SLC38A10: variants seen among roughly 807,000 people sequenced by gnomAD.
SLC38A10 encodes the protein Sodium-coupled neutral amino acid transporter 10.
A neutral mutation model predicts 81.0 loss-of-function variants in SLC38A10; 53 were observed. The ratio of observed to expected loss-of-function variants is 0.65; its 90% confidence interval spans 0.53 to 0.82. SLC38A10 has a LOEUF of 0.82. SLC38A10 is among the 40% of genes least tolerant of loss of function. The pLI is 0.00. For missense variants in SLC38A10, 1,471 were observed against 1,545.0 expected (o/e 0.95, Z 0.80); for synonymous variants, 665 against 655.3 (o/e 1.01, Z -0.23).
intron 6 of SLC38A10, among the ~76,000 whole-genome samples, chr17:81,278,086 G>C (rs931576474): frequency 2.6e-5 from 4 of 152,210 alleles, no homozygotes; most frequent in Admixed American, 6.5e-5. Flanking sequence ...CAGCACAGCG[G>C]CCAGCGGAGC....
chr17:81,253,357 T>C lies in SLC38A10; in HGVS notation c.1289-117A>G, dbSNP rs2062938166. 3.1e-6 allele frequency: 4 copies of C among 1,291,572 alleles called. No homozygotes were observed. The highest frequency in any genetic ancestry group is 1.5e-5 in the African/African-American group (1 of 67,208). The allele number at this position is 1,291,572 out of a possible 1,614,324, so 80.0% of individuals were successfully genotyped here. A position where few individuals can be genotyped will look rare whatever the true frequency, so the allele number is the denominator to read the frequency against. ...AATGGCAGAGTCAAAGCAGTTTCTT[T>C]TTCCTGTTCGATCATTAGCAGCTAA... On this transcript the variant is annotated intron_variant, in intron 11 of 15. Transcript: ENST00000374759. This position sits in a 1 kb window ranked among gnomAD's most constrained non-coding sequence, Gnocchi z 4.1.
chr17:81,282,410 GGA>G, intron 4 of SLC38A10, 78 bp from the exon 5 acceptor site: 1 of 1,525,436 alleles, frequency 6.6e-7, no homozygotes, highest in Non-Finnish European at 8.9e-7. Context: ...ACAGGGAGTG[GGA>G]GCGCCCCGAG....
chr17:81,271,755 T>G (rs902895339), intron 9 of SLC38A10, among the ~76,000 whole-genome samples: 6 of 149,032 alleles, frequency 4.0e-5, no homozygotes, highest in Non-Finnish European at 1.5e-5. Context: ...CAGATTTTTT[T>G]TTTTTTTTTT....
chr17:81,260,763 G>A (rs936936332), intron 10 of SLC38A10, among the ~76,000 whole-genome samples: 1 of 152,244 alleles, frequency 6.6e-6, no homozygotes, highest in African/African-American at 2.4e-5. Flanking sequence ...GACGGAGCGG[G>A]AGGGACAGCG....
intron 1 of SLC38A10, among the ~76,000 whole-genome samples, chr17:81,291,717 G>A (rs2063312187): frequency 1.3e-5 from 2 of 152,118 alleles, no homozygotes; most frequent in African/African-American, 4.8e-5. Context: ...CCCTGCCAAC[G>A]CCTGTCCAAC....
intron 10 of SLC38A10, among the ~76,000 whole-genome samples, chr17:81,269,501 G>A (rs1367530774): frequency 3.3e-5 from 5 of 152,112 alleles, no homozygotes; most frequent in African/African-American, 9.7e-5. Context: ...ACACGTGGAC[G>A]TGTATTCTAA....
chr17:81,269,647 G>A (rs1196729317), intron 10 of SLC38A10, among the ~76,000 whole-genome samples: 3 of 152,162 alleles, frequency 2.0e-5, no homozygotes, highest in Admixed American at 2.0e-4. Context: ...GATGTCCTAT[G>A]TCTGCTCTGG....
Position 81,260,318 on chromosome 17 carries a change from T to C in SLC38A10, c.1208A>G (p.Glu403Gly). The change falls in exon 11 of 16, where the codon GAG (glutamate) becomes GGG (glycine). Residue 403 changes from glutamate to glycine, a missense_variant. Around this residue, in one of 2 missense-constraint regions of SLC38A10, gnomAD observed 720 missense variants for 827.7 expected, o/e 0.87. Transcript: ENST00000374759. ...GCCAGGGGCTTCCTCTGCCAAGTCC[T>C]CGGGGACCTCCTCGCTCACAGACAG... is the stretch of plus-strand genomic sequence containing the variant. ...TTLSVSEEVP[E>G]DLAEEAPGGR... is the part of the protein sequence containing the mutation. 1 of 1,608,500 alleles carries C rather than the reference T, an allele frequency of 6.2e-7. No homozygotes were observed. Among genetic ancestry groups the C allele is most frequent in the Non-Finnish European group, 8.5e-7 (1 of 1,178,120 alleles).
At chr17:81,256,706 T>C (rs139010374) in intron 11 of SLC38A10, among the ~76,000 whole-genome samples, 1 of 152,306 alleles carries the variant, frequency 6.6e-6, no homozygotes, top group East Asian at 1.9e-4. Context: ...TAGGCAACTT[T>C]TCTAAGAGCT....
At chr17:81,251,441 GGGCTGCCGCTCCCTGGGCCTGAGGCAGGC>G in intron 14 of SLC38A10, 23 bp downstream of exon 14, 1 of 1,608,430 alleles carries the variant, frequency 6.2e-7, no homozygotes, top group Non-Finnish European at 8.5e-7. Flanking sequence ...CTGGGGGAGG[GGGCTGCCGCTCCCTGGGCCTGAGGCAGGC>G]GGCTGTAGGG....
intron 4 of SLC38A10, among the ~76,000 whole-genome samples, 178 bp from the exon 5 acceptor site, chr17:81,282,510 C>G (rs1052881612): frequency 2.0e-5 from 3 of 152,342 alleles, no homozygotes; most frequent in Non-Finnish European, 4.4e-5. Context: ...GCCACTGTGC[C>G]GTGTGCAGCC....
At chr17:81,264,137 C>T (rs1332586829) in intron 10 of SLC38A10, 1 of 152,320 alleles carries the variant, frequency 6.6e-6, no homozygotes. Flanking sequence ...CTCGGAATCC[C>T]GAATAAGGGC....
Position 81,252,383 on chromosome 17 carries a change from TG to T in SLC38A10, c.1756del (p.Gln586SerfsTer119). 6.2e-7 allele frequency: 1 copy of T among 1,613,214 alleles called. No individual in the cohort carries two copies. The highest frequency in any genetic ancestry group is 8.5e-7 in the Non-Finnish European group (1 of 1,180,018). On this transcript the variant is annotated frameshift_variant, in exon 13 of 16. Transcript: ENST00000374759. LOFTEE classifies it high-confidence loss of function. ...DPQKVPEADG[Q>X]PAVQPAKEDL... ...CTCCTTTGCAGGCTGGACAGCTGGC[TG>T]ACCATCTGCTTCTGGAACTTTCTGG... is the stretch of plus-strand genomic sequence containing the variant.
Position 81,289,727 on chromosome 17 carries a change from C to T in SLC38A10, c.181G>A (p.Ala61Thr), listed in dbSNP as rs868190971. ...TAGGTCCTCCGCTTGCTCAGGCTGG[C>T]CGACTTCACCAAGAACATGCACGAC... is the stretch of plus-strand genomic sequence containing the variant. ...HQSCMFLVKS[A>T]SLSKRRTYAG... Residue 61 changes from alanine to threonine, a missense_variant, in exon 2 of 16, where the codon GCC becomes ACC. Physicochemically the swap from Ala to Thr is moderately conservative, Grantham distance 58. Transcript: ENST00000374759. This position sits in a 1 kb window ranked among gnomAD's most constrained non-coding sequence, Gnocchi z 5.9. 6.2e-7 allele frequency: 1 copy of T among 1,611,510 alleles called. No individual in the cohort carries two copies. Among genetic ancestry groups the T allele is most frequent in the Non-Finnish European group, 8.5e-7 (1 of 1,179,750 alleles).
intron 14 of SLC38A10, chr17:81,247,622 T>C (rs2062864748): frequency 6.8e-6 from 1 of 146,976 alleles, no homozygotes; most frequent in Non-Finnish European, 1.5e-5. Context: ...GCCCAGGAGT[T>C]AGAGACCAGC....
rs768165060 is a variant in SLC38A10, at chr17:81,265,907, G to A, written c.1131+5011C>T. Among the ~76,000 whole-genome samples the A allele has an allele frequency of 1.4e-4, 22 of 152,226 alleles. No individual in the cohort carries two copies. Among genetic ancestry groups the A allele is most frequent in the Non-Finnish European group, 2.2e-4 (15 of 68,034 alleles). ...GTCAGAGGGAAAAAGAAACCTCTCC[G>A]TCTCCTCCACGCACAGCCAAACTGC... On this transcript the variant is annotated intron_variant, in intron 10 of 15. Coordinates refer to ENST00000374759, the MANE Select transcript of SLC38A10 (RefSeq NM_001037984.3). The surrounding 1 kb of genome is among the most constrained non-coding windows in gnomAD (Gnocchi z 4.2).
At chr17:81,273,938 C>T (rs577127736) in intron 8 of SLC38A10, among the ~76,000 whole-genome samples, 16 of 152,318 alleles carry the variant, frequency 1.1e-4, no homozygotes, top group East Asian at 3.9e-4. Context: ...GCCGCACCTC[C>T]GGGAAAGGAG....
intron 3 of SLC38A10, among the ~76,000 whole-genome samples, chr17:81,284,556 A>G (rs545744637): frequency 6.6e-6 from 1 of 152,276 alleles, no homozygotes; most frequent in East Asian, 1.9e-4. Flanking sequence ...GACATTTGCA[A>G]TGTAATGCCA....
In SLC38A10 at chr17:81,281,195, C is replaced by A. The variant is rs2146944292; in HGVS notation, c.502-462G>T. Among the ~76,000 whole-genome samples, 1 of 152,334 alleles carries A rather than the reference C, an allele frequency of 6.6e-6. No homozygotes were observed. Among genetic ancestry groups the A allele is most frequent in the East Asian group, 1.9e-4 (1 of 5,186 alleles). On this transcript the variant is annotated intron_variant, in intron 5 of 15. Coordinates refer to ENST00000374759, the MANE Select transcript of SLC38A10 (RefSeq NM_001037984.3). The surrounding 1 kb of genome is among the most constrained non-coding windows in gnomAD (Gnocchi z 5.3). The stretch of plus-strand genomic sequence containing the variant: ...AAGAGGTAGCTGCCACTGGGCTGGC[C>A]CTCACTCGGAGAGCTGAGGAGCACT...
Sources: allele counts gnomAD v4.1 joint callset (sites outside exome capture counted in the v4.1 genomes callset), GRCh38; gene constraint gnomAD v4.1.1; regional missense constraint gnomAD v4.1.1; non-coding constraint Gnocchi (gnomAD v3.1); transcripts MANE v1.5; gene names NCBI Gene and HGNC (gene_info 2026-07-23, HGNC 2026-07-21).